GPHN: variants seen among roughly 807,000 people sequenced by gnomAD.
GPHN encodes gephyrin.
GPHN carries 17 observed loss-of-function variants against 95.5 expected under a neutral mutation model. That is an observed-to-expected ratio of 0.18 (90% CI 0.12 to 0.27). The LOEUF (loss-of-function observed/expected upper bound fraction) is 0.27, where lower values mean the gene tolerates loss of function less well. GPHN is among the 10% of genes least tolerant of loss of function. The probability of loss-of-function intolerance (pLI) is 1.00; values close to 1 mark genes in which losing one functional copy is unlikely to be tolerated. For synonymous variants in GPHN, 320 were observed against 322.5 expected (o/e 0.99, Z 0.08); for missense variants, 660 against 978.1 (o/e 0.67, Z 4.34).
At chr14:66,988,876 A>G (rs1277424058) in intron 9 of GPHN, among the ~76,000 whole-genome samples, 5 of 152,058 alleles carry the variant, frequency 3.3e-5, no homozygotes, top group African/African-American at 1.2e-4. Flanking sequence ...AGTTCCTGTG[A>G]ATCCTGGTAT....
chr14:67,252,658 C>T, the GPHN span, among the ~76,000 whole-genome samples: 1 of 152,082 alleles, frequency 6.6e-6, no homozygotes, highest in East Asian at 1.9e-4. Context: ...GACACCCAGT[C>T]GGTGTCCAGA....
intron 3 of GPHN, among the ~76,000 whole-genome samples, chr14:66,787,305 A>T (rs1481615810): frequency 2.6e-5 from 4 of 152,228 alleles, no homozygotes; most frequent in Non-Finnish European, 5.9e-5. Context: ...CACATATGTT[A>T]TCTTTATGCA....
At chr14:67,573,853 A>G in the GPHN span, 3 of 1,613,762 alleles carry the variant, frequency 1.9e-6, no homozygotes, top group Non-Finnish European at 2.5e-6. The surrounding 1 kb of genome is among the most constrained non-coding windows in gnomAD (Gnocchi z 4.8). Flanking sequence ...TCCCGCTGCC[A>G]AATTGTTCGA....
chr14:67,520,186 T>A, the GPHN span, among the ~76,000 whole-genome samples: 560 of 152,328 alleles, frequency 3.7e-3, 2 homozygotes, highest in African/African-American at 0.013. Context: ...CTTTGACATA[T>A]CATTATCACC....
chr14:67,111,769 C>A (rs2078388284), intron 14 of GPHN, 92 bp from the exon 15 acceptor site: 2 of 911,382 alleles, frequency 2.2e-6, no homozygotes, highest in Non-Finnish European at 1.8e-6. Context: ...TTGTATATAT[C>A]CTGGGCCTAT....
intron 1 of GPHN, among the ~76,000 whole-genome samples, chr14:66,582,203 A>G (rs769982579): frequency 2.6e-5 from 4 of 152,074 alleles, no homozygotes; most frequent in Non-Finnish European, 5.9e-5. Flanking sequence ...TCACAATGGT[A>G]TGAAAATAGA....
chr14:66,666,654 A>G (rs945108907), intron 1 of GPHN, among the ~76,000 whole-genome samples: 1 of 152,190 alleles, frequency 6.6e-6, no homozygotes, highest in Non-Finnish European at 1.5e-5. Context: ...TAAGAGCCAT[A>G]GAAGACAAAC....
the GPHN span, among the ~76,000 whole-genome samples, chr14:67,406,014 T>C: frequency 2.0e-5 from 3 of 152,120 alleles, no homozygotes; most frequent in Admixed American, 1.3e-4. Flanking sequence ...TCCCAGCACT[T>C]TGGTAGGCTG....
intron 1 of GPHN, among the ~76,000 whole-genome samples, chr14:66,649,307 C>A (rs901523544): frequency 1.3e-5 from 2 of 151,924 alleles, no homozygotes; most frequent in Non-Finnish European, 2.9e-5. Flanking sequence ...GCACTCCAAC[C>A]TGAGCAACAG....
At chr14:67,667,604 ATACT>A in the GPHN span, among the ~76,000 whole-genome samples, 5 of 152,216 alleles carry the variant, frequency 3.3e-5, no homozygotes, top group African/African-American at 4.8e-5. Flanking sequence ...CTGAAAGTAA[ATACT>A]TAGGAAGAAC....
intron 3 of GPHN, among the ~76,000 whole-genome samples, chr14:66,820,876 G>T (rs935717417): frequency 3.3e-5 from 5 of 152,040 alleles, no homozygotes; most frequent in Non-Finnish European, 5.9e-5. Context: ...ATATTAGGAG[G>T]GGGATTTTTG....
At position 66,746,666 on chromosome 14, in the gene GPHN, T is replaced by G. The variant is rs565311914; in HGVS notation, c.144-29798T>G. Among the ~76,000 whole-genome samples the G allele has an allele frequency of 7.2e-5, 11 of 152,072 alleles. 1 individual carries two copies. The highest frequency in any genetic ancestry group is 2.7e-4 in the African/African-American group (11 of 41,508). On this transcript the variant is annotated intron_variant, in intron 2 of 22. Coordinates refer to ENST00000478722, the MANE Select transcript of GPHN (RefSeq NM_020806.5). ...GTACTTTCTACTTCCCTTGGGGCTG[T>G]TTTTTTTGTTATTGTTGTTCTTCAA...
chr14:67,418,795 C>T, the GPHN span, among the ~76,000 whole-genome samples: 1 of 152,204 alleles, frequency 6.6e-6, no homozygotes, highest in Non-Finnish European at 1.5e-5. Flanking sequence ...TGACTTGGAG[C>T]CTCTCCCTGC....
At chr14:67,571,821 C>T in the GPHN span, 5 of 1,613,952 alleles carry the variant, frequency 3.1e-6, no homozygotes, top group South Asian at 5.5e-5. Context: ...CTGCAGCTCT[C>T]AGGCGAGTTT....
the GPHN span, chr14:67,317,370 G>A: frequency 1.3e-6 from 2 of 1,508,692 alleles, no homozygotes; most frequent in Non-Finnish European, 1.8e-6. Flanking sequence ...TTTGTTCACG[G>A]GAACACATTT....
At chr14:67,208,641 A>T in the GPHN span, among the ~76,000 whole-genome samples, 1 of 152,184 alleles carries the variant, frequency 6.6e-6, no homozygotes, top group Non-Finnish European at 1.5e-5. Context: ...TTTTATTTTC[A>T]TGGCAACTTG....
chr14:67,661,199 G>A, the GPHN span, among the ~76,000 whole-genome samples: 1 of 138,108 alleles, frequency 7.2e-6, no homozygotes, highest in African/African-American at 2.6e-5. Flanking sequence ...CAGAATTTTG[G>A]CCCCAATCTT....
chr14:66,916,124 A>C (rs2065884757), intron 6 of GPHN, 55 bp downstream of exon 6: 2 of 1,197,160 alleles, frequency 1.7e-6, no homozygotes, highest in Non-Finnish European at 2.5e-6. Context: ...ACCAGCCGTG[A>C]AAGTTAGCCA....
At chr14:66,887,987 A>G (rs1157098117) in intron 5 of GPHN, among the ~76,000 whole-genome samples, 3 of 152,192 alleles carry the variant, frequency 2.0e-5, no homozygotes, top group African/African-American at 7.2e-5. Context: ...TATTAGTAGA[A>G]TGGACACAGC....
Sources: allele counts gnomAD v4.1 joint callset (sites outside exome capture counted in the v4.1 genomes callset), GRCh38; gene constraint gnomAD v4.1.1; non-coding constraint Gnocchi (gnomAD v3.1); transcripts MANE v1.5; gene names NCBI Gene and HGNC (gene_info 2026-07-23, HGNC 2026-07-21).